The following TNFAIP2 variants were observed in gnomAD, a reference collection of about 807,000 sequenced individuals.
The protein encoded by TNFAIP2 is tumor necrosis factor alpha-induced protein 2.
TNFAIP2 carries 47 observed loss-of-function variants against 63.5 expected under a neutral mutation model. The ratio of observed to expected loss-of-function variants is 0.74; its 90% CI spans 0.59 to 0.94. TNFAIP2 has a LOEUF of 0.94. Among genes scored for constraint, TNFAIP2 ranks in the 40% least tolerant of loss-of-function variants. TNFAIP2 has a pLI of 0.00. For synonymous variants in TNFAIP2, 405 were observed against 390.2 expected (o/e 1.04, Z -0.45); for missense variants, 787 against 850.2 (o/e 0.93, Z 0.92).
upstream of TNFAIP2, chr14:103,122,712 T>C: frequency 2.2e-6 from 1 of 456,032 alleles, no homozygotes; most frequent in Non-Finnish European, 4.4e-6. Flanking sequence ...AGTCTGGGCC[T>C]TGGGCCCCTC....
intron 6 of TNFAIP2, among the ~76,000 whole-genome samples, chr14:103,130,766 G>C (rs1048533946): frequency 6.6e-6 from 1 of 152,210 alleles, no homozygotes; most frequent in African/African-American, 2.4e-5. Context: ...TCTCCCTCTC[G>C]ACCTCTGAGG....
chr14:103,133,599 C>T (rs2088035839), intron 10 of TNFAIP2, 82 bp downstream of exon 10: 4 of 1,572,236 alleles, frequency 2.5e-6, no homozygotes, highest in Non-Finnish European at 8.6e-7. Context: ...GGAGATAGGC[C>T]GCTGGTGCCT....
Position 103,136,112 on chromosome 14 carries a change from TC to T in TNFAIP2, c.*756del. The T allele has an allele frequency of 9.7e-7, 1 of 1,032,130 alleles. No individual in the cohort carries two copies. The highest frequency in any genetic ancestry group is 1.3e-6 in the Non-Finnish European group (1 of 797,762). The allele number at this position is 1,032,130 out of a possible 1,614,324, so 63.9% of individuals were successfully genotyped here. ...TCCTGGGTCCTCTCAGGCTCCCCCT[TC>T]CCCAAGGCAGGGACAGGCCCTGGGG... On this transcript the variant is annotated 3_prime_UTR_variant, in exon 12 of 12. Transcript: ENST00000560869.
chr14:103,128,625 C>A (rs8176386), intron 3 of TNFAIP2, among the ~76,000 whole-genome samples: 1,716 of 152,038 alleles, frequency 0.011, 33 homozygotes, highest in African/African-American at 0.04. Flanking sequence ...GGCCTGTGGG[C>A]TCAGTTCGTG....
At chr14:103,129,229 G>A (rs1291204868) in intron 3 of TNFAIP2, among the ~76,000 whole-genome samples, 4 of 152,234 alleles carry the variant, frequency 2.6e-5, no homozygotes, top group South Asian at 2.1e-4. Flanking sequence ...GGGCTGGAGC[G>A]CAGTGGGCTG....
At chr14:103,129,923 A>G (rs533809285) in intron 4 of TNFAIP2, 69 bp downstream of exon 4, 21 of 1,607,856 alleles carry the variant, frequency 1.3e-5, no homozygotes, top group African/African-American at 2.7e-5. Context: ...CAGACAGGAC[A>G]TGGGCAGGGA....
Position 103,135,351 on chromosome 14 carries a change from G to A in TNFAIP2, c.1956G>A (p.Lys652=), listed in dbSNP as rs200928297. 5 of 1,607,310 alleles carry A rather than the reference G, an allele frequency of 3.1e-6. No individual in the cohort carries two copies. Among genetic ancestry groups the A allele is most frequent in the Non-Finnish European group, 4.2e-6 (5 of 1,176,632 alleles). ...EPSRPLFSLI[K]VG ...CCCGGCCCCTATTTTCCCTTATAAA[G>A]GTTGGTTAGCTTTTCCTGTGGCCTG... The change falls in exon 12 of 12, where the codon AAG becomes AAA. Residue 652 remains lysine (K), a synonymous_variant. Coordinates refer to ENST00000560869, the MANE Select transcript of TNFAIP2 (RefSeq NM_006291.4). The surrounding 1 kb of genome is among the most constrained non-coding windows in gnomAD (Gnocchi z 7.6).
upstream of TNFAIP2, chr14:103,122,853 A>G: frequency 2.2e-6 from 1 of 455,236 alleles, no homozygotes; most frequent in Non-Finnish European, 4.4e-6. Context: ...CGGGTCAGCC[A>G]CTTCACCTTT....
chr14:103,126,420 A>C lies in TNFAIP2; in HGVS notation c.-38A>C, dbSNP rs1270762199. The C allele has an allele frequency of 1.3e-6, 2 of 1,498,024 alleles. No individual in the cohort carries two copies. Among genetic ancestry groups the C allele is most frequent in the Admixed American group, 4.6e-5 (2 of 43,510 alleles). The allele number at this position is 1,498,024 out of a possible 1,614,324, so 92.8% of individuals were successfully genotyped here. A position where few individuals can be genotyped will look rare whatever the true frequency, so the allele number is the denominator to read the frequency against. ...CTCGACTTGCCTAGAGGCCCCCAAAAGTTGCAGTCCACATCAGAGGCAGAG... is the reference window on the plus strand; with the variant it reads ...CTCGACTTGCCTAGAGGCCCCCAAACGTTGCAGTCCACATCAGAGGCAGAG... On this transcript the variant is annotated 5_prime_UTR_variant, in exon 2 of 12. Coordinates refer to ENST00000560869, the MANE Select transcript of TNFAIP2 (RefSeq NM_006291.4).
At chr14:103,129,438 G>A (rs1427932934) in intron 3 of TNFAIP2, among the ~76,000 whole-genome samples, 1 of 152,002 alleles carries the variant, frequency 6.6e-6, no homozygotes, top group East Asian at 1.9e-4. Context: ...GCTGATGGGA[G>A]CCGGCCAGGG....
chr14:103,133,877 C>T, intron 11 of TNFAIP2, 74 bp downstream of exon 11: 1 of 1,505,490 alleles, frequency 6.6e-7, no homozygotes, highest in Non-Finnish European at 8.8e-7. Context: ...GCATTGGGAA[C>T]CCAGATCCTG....
intron 3 of TNFAIP2, among the ~76,000 whole-genome samples, chr14:103,129,189 C>T (rs567086947): frequency 6.6e-6 from 1 of 152,294 alleles, no homozygotes; most frequent in South Asian, 2.1e-4. Flanking sequence ...TGGGAGGTGG[C>T]CGGGGCTGGT....
Position 103,135,486 on chromosome 14 carries a change from G to C in TNFAIP2, c.*126G>C, listed in dbSNP as rs2088076172. 14 of 1,501,396 alleles carry C rather than the reference G, an allele frequency of 9.3e-6. 1 individual carries two copies. Among genetic ancestry groups the C allele is most frequent in the South Asian group, 1.3e-5 (1 of 74,128 alleles). 93.0% of individuals were successfully genotyped at this position (1,501,396 alleles called of 1,614,324 possible). ...TCTCCTGTGCTCTGATGCTACTTCT[G>C]CCTAGCCCTGGCGGAGGTGCAGGCC... On this transcript the variant is annotated 3_prime_UTR_variant, in exon 12 of 12. Transcript: ENST00000560869. The surrounding 1 kb of genome is among the most constrained non-coding windows in gnomAD (Gnocchi z 7.6).
rs8176399 is a variant in TNFAIP2 at position 103,135,315 on chromosome 14, G to T, written c.1920G>T (p.Ala640=). Residue 640 remains alanine (A), a synonymous_variant, in exon 12 of 12, where the codon GCG becomes GCT. Transcript: ENST00000560869. The surrounding 1 kb of genome is among the most constrained non-coding windows in gnomAD (Gnocchi z 7.6). ...IRSILDVSMG[A]QEPSRPLFSL... Reference sequence around the variant, plus strand: ...GCATCTTGGACGTCAGCATGGGGGCGCAGGAGCCCTCCCGGCCCCTATTTT... The same window carrying T: ...GCATCTTGGACGTCAGCATGGGGGCTCAGGAGCCCTCCCGGCCCCTATTTT... The T allele has an allele frequency of 3.1e-6, 5 of 1,613,642 alleles. No homozygotes were observed. Among genetic ancestry groups the T allele is most frequent in the Non-Finnish European group, 3.4e-6 (4 of 1,179,848 alleles).
chr14:103,126,725 G>T (rs1404514113), intron 2 of TNFAIP2, 33 bp downstream of exon 2: 2 of 1,548,318 alleles, frequency 1.3e-6, no homozygotes, highest in East Asian at 2.4e-5. Flanking sequence ...AGCTAGTCTG[G>T]GGCCTGGACG....
Position 103,127,075 on chromosome 14 carries a change from G to A in TNFAIP2, c.306G>A (p.Arg102=). Residue 102 remains arginine, a synonymous_variant, in exon 3 of 12, where the codon CGG becomes CGA. Coordinates refer to ENST00000560869, the MANE Select transcript of TNFAIP2 (RefSeq NM_006291.4). The surrounding 1 kb of genome is among the most constrained non-coding windows in gnomAD (Gnocchi z 5.1). ...EAARPLLALE[R]ELAAAAAAGG... is the part of the protein sequence containing the mutation. ...CGCGGCCGCTGCTGGCGCTGGAGCG[G>A]GAGCTGGCGGCGGCGGCGGCGGCGG... 2 of 1,123,960 alleles carry A rather than the reference G, an allele frequency of 1.8e-6. No homozygotes were observed. The highest frequency in any genetic ancestry group is 2.2e-6 in the Non-Finnish European group (2 of 919,752). 69.6% of individuals were successfully genotyped at this position (1,123,960 alleles called of 1,614,324 possible). A position where few individuals can be genotyped will look rare whatever the true frequency, so the allele number is the denominator to read the frequency against.
intron 9 of TNFAIP2, 23 bp from the exon 10 acceptor site, chr14:103,133,339 C>T (rs376051814): frequency 6.2e-7 from 1 of 1,608,468 alleles, no homozygotes; most frequent in Non-Finnish European, 8.5e-7. Flanking sequence ...AGCTCACACG[C>T]CCCTGGCTGC....
Position 103,135,416 on chromosome 14 carries a change from G to T in TNFAIP2, c.*56G>T, listed in dbSNP as rs539247291. On this transcript the variant is annotated 3_prime_UTR_variant, in exon 12 of 12. Transcript: ENST00000560869. The surrounding 1 kb of genome is among the most constrained non-coding windows in gnomAD (Gnocchi z 7.6). ...GCCCAGCAAGCCTTGGGCACACCCC[G>T]CTGGGAGCTGTTAAGAGCAGCGCTG... 7 of 1,549,892 alleles carry T rather than the reference G, an allele frequency of 4.5e-6. No homozygotes were observed. In the South Asian group the frequency reaches 7.5e-5, roughly 17 times the overall value.
At chr14:103,124,673 C>T (rs8176356) in intron 1 of TNFAIP2, among the ~76,000 whole-genome samples, 6,418 of 152,280 alleles carry the variant, frequency 0.042, 371 homozygotes, top group African/African-American at 0.13. Flanking sequence ...GACCAGCTCC[C>T]GCGGGTGCTA....
Sources: gnomAD v4.1 joint callset for allele counts (sites outside exome capture counted in the v4.1 genomes callset) on GRCh38, gnomAD v4.1.1 for gene constraint, Gnocchi (gnomAD v3.1) non-coding constraint, MANE v1.5 for transcripts, NCBI Gene and HGNC (gene_info 2026-07-23, HGNC 2026-07-21) for gene names.